The following RBPMS variants were observed in gnomAD, a reference collection of about 807,000 sequenced individuals.
The protein encoded by RBPMS is RNA binding protein, mRNA processing factor, also known as RNA-binding protein with multiple splicing.
Under a neutral mutation model 26.8 loss-of-function variants are expected in RBPMS, and 7 were observed. The ratio of observed to expected loss-of-function variants is 0.26; its 90% CI spans 0.15 to 0.49. The LOEUF is 0.49. Among genes scored for constraint, RBPMS ranks in the 20% least tolerant of loss-of-function variants. RBPMS has a pLI of 0.98. For missense variants in RBPMS, 186 were observed against 250.0 expected (o/e 0.74, Z 1.73); for synonymous variants, 96 against 93.3 (o/e 1.03, Z -0.17).
intron 5 of RBPMS, among the ~76,000 whole-genome samples, chr8:30,513,957 T>C (rs1446786805): frequency 6.6e-6 from 1 of 152,206 alleles, no homozygotes; most frequent in Non-Finnish European, 1.5e-5. Context: ...TCTCTGAGAT[T>C]CCTTAAGGGA....
chr8:30,393,152 T>C (rs1256046614), intron 1 of RBPMS, among the ~76,000 whole-genome samples: 1 of 152,284 alleles, frequency 6.6e-6, no homozygotes, highest in African/African-American at 2.4e-5. Context: ...ACATATAATC[T>C]GCCTGTTTTT....
intron 1 of RBPMS, among the ~76,000 whole-genome samples, chr8:30,427,350 G>A (rs896639168): frequency 2.6e-5 from 4 of 152,164 alleles, no homozygotes; most frequent in Non-Finnish European, 5.9e-5. Flanking sequence ...TAGCTAGCCT[G>A]TCAAATCTTC....
chr8:30,502,397 G>A (rs1820655017), intron 4 of RBPMS, among the ~76,000 whole-genome samples: 2 of 152,180 alleles, frequency 1.3e-5, no homozygotes, highest in African/African-American at 4.8e-5. Flanking sequence ...CTCATTTTCT[G>A]AGGCTAGATG....
intron 5 of RBPMS, among the ~76,000 whole-genome samples, chr8:30,520,616 A>G (rs570723103): frequency 8.5e-5 from 13 of 152,278 alleles, no homozygotes; most frequent in African/African-American, 2.6e-4. Context: ...TAGGTGCCCA[A>G]TACGACCTAT....
intron 1 of RBPMS, among the ~76,000 whole-genome samples, chr8:30,442,370 C>T (rs1461451059): frequency 2.6e-5 from 4 of 152,170 alleles, no homozygotes; most frequent in African/African-American, 9.6e-5. Context: ...CTTGGCCCTT[C>T]GTTTTGTTGC....
chr8:30,472,314 A>G (rs1563351209), intron 1 of RBPMS, among the ~76,000 whole-genome samples: 2 of 152,250 alleles, frequency 1.3e-5, no homozygotes, highest in Admixed American at 1.3e-4. Flanking sequence ...TGAAAAGGGT[A>G]CATACTCTGT....
intron 5 of RBPMS, among the ~76,000 whole-genome samples, chr8:30,531,571 G>C (rs940802571): frequency 6.6e-6 from 1 of 152,188 alleles, no homozygotes; most frequent in African/African-American, 2.4e-5. Context: ...TTCTAACTAG[G>C]TTAGGATACC....
intron 1 of RBPMS, among the ~76,000 whole-genome samples, chr8:30,463,508 G>C (rs1156253940): frequency 1.3e-5 from 2 of 152,214 alleles, no homozygotes; most frequent in Admixed American, 1.3e-4. Flanking sequence ...CACTCAGAGT[G>C]AGTAATTCAA....
intron 4 of RBPMS, among the ~76,000 whole-genome samples, chr8:30,502,550 G>A (rs1408289243): frequency 6.6e-6 from 1 of 152,170 alleles, no homozygotes; most frequent in Admixed American, 6.5e-5. Flanking sequence ...CGGGGAGGAC[G>A]TCCTGAAGTT....
At chr8:30,508,511 G>C (rs1315695731) in intron 5 of RBPMS, among the ~76,000 whole-genome samples, 1 of 152,154 alleles carries the variant, frequency 6.6e-6, no homozygotes, top group East Asian at 1.9e-4. Flanking sequence ...CTGTTAGTGT[G>C]CGTGTGTAAA....
In RBPMS at chr8:30,571,815, G is replaced by A. The variant is rs1585921758; in HGVS notation, c.*1290G>A. 1 of 152,232 alleles carries A rather than the reference G, an allele frequency of 6.6e-6. No individual in the cohort carries two copies. The highest frequency in any genetic ancestry group is 2.1e-4 in the South Asian group (1 of 4,826). The allele number at this position is 152,232 out of a possible 1,614,324, so 9.4% of individuals were successfully genotyped here. ...TCATGACAGCTCAACCTCTCCCCTT[G>A]TACAGAAGCCATTTTTGTAAAACCA... On this transcript the variant is annotated 3_prime_UTR_variant, in exon 9 of 9. Coordinates refer to ENST00000397323, the MANE Select transcript of RBPMS (RefSeq NM_001008710.3).
intron 1 of RBPMS, among the ~76,000 whole-genome samples, chr8:30,456,464 C>T (rs1389117432): frequency 6.6e-6 from 1 of 150,846 alleles, no homozygotes; most frequent in Non-Finnish European, 1.5e-5. Context: ...AAAAGTATTG[C>T]ATGTGGTGTG....
intron 1 of RBPMS, among the ~76,000 whole-genome samples, chr8:30,431,932 G>A (rs922129869): frequency 2.6e-5 from 4 of 151,770 alleles, no homozygotes; most frequent in Non-Finnish European, 5.9e-5. Flanking sequence ...ACCAGTCTGG[G>A]CAACATAGGG....
intron 5 of RBPMS, among the ~76,000 whole-genome samples, chr8:30,532,159 C>G (rs1268763325): frequency 6.6e-6 from 1 of 152,052 alleles, no homozygotes; most frequent in East Asian, 1.9e-4. Context: ...AATCTTAGTA[C>G]AAAAGAGCTG....
chr8:30,446,804 T>TGCGTGC lies in RBPMS; in HGVS notation c.67-27974_67-27973insCGTGCG, dbSNP rs1212698977. 316 of 84,478 alleles carry TGCGTGC rather than the reference T, an allele frequency of 3.7e-3. 1 individual carries two copies. Among genetic ancestry groups the TGCGTGC allele is most frequent in the African/African-American group, 0.018 (297 of 16,730 alleles). 5.2% of individuals were successfully genotyped at this position (84,478 alleles called of 1,614,324 possible). ...TGCCACCACACATGGCTTGTGTGTG[T>TGCGTGC]GTGTGTGTGTGTGTGTGTGTGTGTG... On this transcript the variant is annotated intron_variant, in intron 1 of 8. Transcript: ENST00000397323.
chr8:30,438,246 A>G (rs974713139), intron 1 of RBPMS, among the ~76,000 whole-genome samples: 10 of 152,166 alleles, frequency 6.6e-5, no homozygotes, highest in Non-Finnish European at 1.2e-4. Flanking sequence ...GAGTGAGCCA[A>G]TTGCTTGTGT....
intron 6 of RBPMS, chr8:30,544,861 A>T (rs1825741081): frequency 6.6e-7 from 1 of 1,513,510 alleles, no homozygotes; most frequent in Non-Finnish European, 8.8e-7. Flanking sequence ...TCTCTTCCTT[A>T]ATGATCTCAC....
chr8:30,570,006 C>T (rs1828159496), intron 8 of RBPMS, among the ~76,000 whole-genome samples: 1 of 152,200 alleles, frequency 6.6e-6, no homozygotes, highest in Admixed American at 6.5e-5. Context: ...GCTACCCACT[C>T]ATACTGTCGT....
At chr8:30,523,427 C>G (rs1823261995) in intron 5 of RBPMS, among the ~76,000 whole-genome samples, 1 of 151,240 alleles carries the variant, frequency 6.6e-6, no homozygotes, top group South Asian at 2.1e-4. Flanking sequence ...TTTGTTTTAC[C>G]TCACTGAGCT....
Sources: allele counts gnomAD v4.1 joint callset (sites outside exome capture counted in the v4.1 genomes callset), GRCh38; gene constraint gnomAD v4.1.1; transcripts MANE v1.5; gene names NCBI Gene and HGNC (gene_info 2026-07-23, HGNC 2026-07-21).